The following TLR5 variants were observed in gnomAD, a reference collection of about 807,000 sequenced individuals.
TLR5 encodes the protein toll like receptor 5.
For missense variants in TLR5, 944 were observed against 999.8 expected, an observed-to-expected ratio of 0.94 and a Z score of 0.75; for synonymous variants, 373 against 384.4, an observed-to-expected ratio of 0.97 and a Z score of 0.35.
At chr1:223,142,381 G>A (rs1405293614) in intron 1 of TLR5, among the ~76,000 whole-genome samples, 1 of 152,134 alleles carries the variant, frequency 6.6e-6, no homozygotes, top group Non-Finnish European at 1.5e-5. Flanking sequence ...GTGCTGGACG[G>A]ATGTGTTCCC....
chr1:223,129,818 A>C (rs1212025075), intron 5 of TLR5, among the ~76,000 whole-genome samples: 1 of 152,212 alleles, frequency 6.6e-6, no homozygotes, highest in African/African-American at 2.4e-5. Context: ...AGCGGGCTAA[A>C]CGTCTGACAA....
chr1:223,134,188 C>T (rs1657512628), intron 4 of TLR5, among the ~76,000 whole-genome samples: 1 of 152,148 alleles, frequency 6.6e-6, no homozygotes, highest in Non-Finnish European at 1.5e-5. Flanking sequence ...CAGGGATCCT[C>T]CAGTGCCCAA....
rs1657537106 is a variant in TLR5 at position 223,134,721 on chromosome 1, A to C, written c.-209T>G. ...GGACAGCGCCAACATTCTCAATTAGAAAATTAACATCTGAGGCTCCGACAT... is the reference window on the plus strand; with the variant it reads ...GGACAGCGCCAACATTCTCAATTAGCAAATTAACATCTGAGGCTCCGACAT... On this transcript the variant is annotated 5_prime_UTR_variant, in exon 4 of 6. Coordinates refer to ENST00000642603, the MANE Select transcript of TLR5 (RefSeq NM_003268.6). The C allele has an allele frequency of 6.6e-6, 1 of 152,236 alleles. No individual in the cohort carries two copies. The highest frequency in any genetic ancestry group is 1.5e-5 in the Non-Finnish European group (1 of 68,040). The allele number at this position is 152,236 out of a possible 1,614,324, so 9.4% of individuals were successfully genotyped here. A position where few individuals can be genotyped will look rare whatever the true frequency, so the allele number is the denominator to read the frequency against.
At chr1:223,113,065 A>G (rs762840056) in intron 5 of TLR5, 30 bp from the exon 6 acceptor site, 1 of 1,610,070 alleles carries the variant, frequency 6.2e-7, no homozygotes, top group Admixed American at 1.7e-5. Flanking sequence ...ATGAAAACAC[A>G]GGCATTTAAG....
At chr1:223,128,114 C>A (rs1047540484) in intron 5 of TLR5, 18 of 152,214 alleles carry the variant, frequency 1.2e-4, no homozygotes, top group African/African-American at 4.1e-4. Context: ...GGGGGGTTAC[C>A]CTCGCCCGTA....
chr1:223,123,411 A>AG (rs1291350481), intron 5 of TLR5: 4 of 152,240 alleles, frequency 2.6e-5, no homozygotes, highest in African/African-American at 9.6e-5. Context: ...CTAATAGGGA[A>AG]GCTAAAATGA....
At chr1:223,137,950 A>ATTTTTTTTTTTTTTTTTTTTTT (rs3044335) in intron 2 of TLR5, among the ~76,000 whole-genome samples, 2 of 84,538 alleles carry the variant, frequency 2.4e-5, no homozygotes, top group African/African-American at 5.0e-5. Flanking sequence ...GGCTTTTTAA[A>ATTTTTTTTTTTTTTTTTTTTTT]TTTTTTTTTT....
rs571352636 is a variant in TLR5 at position 223,131,863 on chromosome 1, G to T, written c.-5+612C>A. ...CCCAAAGTGTTGGGATTCCAGGCAT[G>T]AGCCACCATGCCTGGCCTATATGCA... On this transcript the variant is annotated intron_variant, in intron 5 of 5. Coordinates refer to ENST00000642603, the MANE Select transcript of TLR5 (RefSeq NM_003268.6). This position sits in a 1 kb window ranked among gnomAD's most constrained non-coding sequence, Gnocchi z 4.2. 6.6e-6 allele frequency among the ~76,000 whole-genome samples: 1 copy of T among 151,838 alleles called. No homozygotes were observed. Among genetic ancestry groups the T allele is most frequent in the Non-Finnish European group, 1.5e-5 (1 of 67,986 alleles).
At chr1:223,141,471 T>C (rs1053416834) in intron 2 of TLR5, 177 bp downstream of exon 2, 3 of 152,084 alleles carry the variant, frequency 2.0e-5, no homozygotes, top group African/African-American at 7.2e-5. Context: ...ATGCTGATTG[T>C]TGAAATTTAG....
chr1:223,121,737 C>A (rs982334101), intron 5 of TLR5, among the ~76,000 whole-genome samples: 46 of 152,290 alleles, frequency 3.0e-4, no homozygotes, highest in African/African-American at 1.1e-3. Flanking sequence ...CCAGAATGGT[C>A]TCGAACTCCT....
At position 223,111,425 on chromosome 1, in the gene TLR5, T is replaced by C. The variant is rs374385844; in HGVS notation, c.1607A>G (p.Asn536Ser). 6.8e-6 allele frequency: 11 copies of C among 1,614,098 alleles called. No individual in the cohort carries two copies. Among genetic ancestry groups the C allele is most frequent in the African/African-American group, 6.7e-5 (5 of 74,950 alleles). ...TALRGLSLNSNRLTVLSHNDL... is the reference protein window; with the variant it reads ...TALRGLSLNSSRLTVLSHNDL... Reference sequence around the variant, plus strand: ...ATTGTGAGAAAGAACTGTCAGCCTGTTGGAGTTGAGGCTTAGTCCCCTTAA... The same window carrying C: ...ATTGTGAGAAAGAACTGTCAGCCTGCTGGAGTTGAGGCTTAGTCCCCTTAA... Residue 536 changes from asparagine to serine, a missense_variant, in exon 6 of 6, where the codon AAC becomes AGC. Asn to Ser is a conservative substitution (Grantham distance 46, BLOSUM62 1). Coordinates refer to ENST00000642603, the MANE Select transcript of TLR5 (RefSeq NM_003268.6).
chr1:223,128,650 C>T (rs1460842459), intron 5 of TLR5: 1 of 152,190 alleles, frequency 6.6e-6, no homozygotes, highest in Non-Finnish European at 1.5e-5. Context: ...GCATAAGTAA[C>T]AAAAGGACCA....
intron 5 of TLR5, among the ~76,000 whole-genome samples, chr1:223,124,827 C>A (rs1208847294): frequency 6.6e-6 from 1 of 152,076 alleles, no homozygotes; most frequent in Non-Finnish European, 1.5e-5. Context: ...TGGTCTCGAT[C>A]TTCTGACCTC....
chr1:223,123,480 C>T (rs902820511), intron 5 of TLR5: 1 of 152,174 alleles, frequency 6.6e-6, no homozygotes, highest in African/African-American at 2.4e-5. Context: ...AGAACATTGT[C>T]TGGGCTTATG....
intron 4 of TLR5, 105 bp from the exon 5 acceptor site, chr1:223,132,744 T>C (rs1178993061): frequency 9.8e-5 from 15 of 152,344 alleles, no homozygotes; most frequent in Admixed American, 9.8e-4. Flanking sequence ...TTGCAAACTT[T>C]CTGTGTATCT....
chr1:223,110,662 C>G lies in TLR5; in HGVS notation c.2370G>C (p.Val790=), dbSNP rs1487597608. Residue 790 remains valine (V), a synonymous_variant, in exon 6 of 6, where the codon GTG becomes GTC. Coordinates refer to ENST00000642603, the MANE Select transcript of TLR5 (RefSeq NM_003268.6). The part of the protein sequence containing the change: ...LSDLNSALIM[V]VVGSLSQYQL... ...GGTACTGGGACAAGGACCCAACCAC[C>G]ACCATGATGAGAGCACTGTTAAGGT... is the stretch of plus-strand genomic sequence containing the variant. The G allele has an allele frequency of 6.2e-7, 1 of 1,614,178 alleles. No individual in the cohort carries two copies. Among genetic ancestry groups the G allele is most frequent in the East Asian group, 2.2e-5 (1 of 44,882 alleles).
intron 4 of TLR5, among the ~76,000 whole-genome samples, chr1:223,133,998 T>G (rs897765632): frequency 2.6e-5 from 4 of 152,204 alleles, no homozygotes; most frequent in Non-Finnish European, 4.4e-5. Context: ...GACATTTCAA[T>G]GACAACTAAA....
rs199532936 is a variant in TLR5, at chr1:223,112,236, C to A, written c.796G>T (p.Gly266Cys). Reference protein sequence around the residue: ...FSLILAHHIMGAGFGFHNIKD... With the variant: ...FSLILAHHIMCAGFGFHNIKD... ...ATGTTATGGAAGCCAAACCCGGCACCCATGATGTGGTGGGCAAGAATCAAA... is the reference window on the plus strand; with the variant it reads ...ATGTTATGGAAGCCAAACCCGGCACACATGATGTGGTGGGCAAGAATCAAA... The change falls in exon 6 of 6, where the codon GGT (glycine) becomes TGT (cysteine). Residue 266 changes from glycine to cysteine, a missense_variant. Coordinates refer to ENST00000642603, the MANE Select transcript of TLR5 (RefSeq NM_003268.6). 1 of 1,614,112 alleles carries A rather than the reference C, an allele frequency of 6.2e-7. No homozygotes were observed. The highest frequency in any genetic ancestry group is 1.7e-5 in the Admixed American group (1 of 60,002).
chr1:223,142,467 A>G (rs144868102), intron 1 of TLR5, among the ~76,000 whole-genome samples: 9 of 152,240 alleles, frequency 5.9e-5, no homozygotes, highest in Middle Eastern at 3.4e-3. Flanking sequence ...ACAGGGCCTC[A>G]GCGCCTTCCC....
Sources: gnomAD v4.1 joint callset for allele counts (sites outside exome capture counted in the v4.1 genomes callset) on GRCh38, gnomAD v4.1.1 for gene constraint, Gnocchi (gnomAD v3.1) non-coding constraint, MANE v1.5 for transcripts, NCBI Gene and HGNC (gene_info 2026-07-23, HGNC 2026-07-21) for gene names.